The following SCFD2 variants were observed in gnomAD, a reference collection of about 807,000 sequenced individuals.
SCFD2 encodes sec1 family domain-containing protein 2.
Under a neutral mutation model 58.9 loss-of-function variants are expected in SCFD2, and 54 were observed. The observed-to-expected ratio is 0.92, with a 90% CI of 0.74 to 1.15. SCFD2 has a LOEUF of 1.15. Ranked by LOEUF, SCFD2 falls within the 50% of genes most tolerant of loss-of-function variation. The probability of loss-of-function intolerance (pLI) is 0.00; values close to 1 mark genes in which losing one functional copy is unlikely to be tolerated. For synonymous variants in SCFD2, 321 were observed against 335.9 expected (o/e 0.96, Z 0.49); for missense variants, 805 against 836.6 (o/e 0.96, Z 0.47).
At chr4:53,231,236 T>A (rs541513953) in intron 4 of SCFD2, among the ~76,000 whole-genome samples, 1 of 152,300 alleles carries the variant, frequency 6.6e-6, no homozygotes, top group East Asian at 1.9e-4. Context: ...ATGCTCACGA[T>A]CTGTGCTGAC....
intron 4 of SCFD2, among the ~76,000 whole-genome samples, chr4:53,236,897 G>A (rs1463900085): frequency 6.6e-6 from 1 of 151,094 alleles, no homozygotes; most frequent in African/African-American, 2.4e-5. Context: ...AGGGGGATTT[G>A]GCAGGGTCAT....
At position 53,207,493 on chromosome 4, in the gene SCFD2, T is replaced by TATATATACACACACA. The variant is rs1491426799; in HGVS notation, c.1312-61912_1312-61911insTGTGTGTGTATATAT. Among the ~76,000 whole-genome samples, 15 of 12,856 alleles carry TATATATACACACACA rather than the reference T, an allele frequency of 1.2e-3. 3 individuals are homozygous for TATATATACACACACA. The highest frequency in any genetic ancestry group is 4.7e-3 in the African/African-American group (15 of 3,164). 8.4% of individuals were successfully genotyped at this position (12,856 alleles called of 152,430 possible). A position where few individuals can be genotyped will look rare whatever the true frequency, so the allele number is the denominator to read the frequency against. ...GTTTGAAATATATTATATATATATT[T>TATATATACACACACA]CATATATATATATTATATATATTAT... On this transcript the variant is annotated intron_variant, in intron 4 of 8. Coordinates refer to ENST00000401642, the MANE Select transcript of SCFD2 (RefSeq NM_152540.4).
chr4:53,245,470 C>A (rs911151457), intron 4 of SCFD2, among the ~76,000 whole-genome samples: 2 of 152,096 alleles, frequency 1.3e-5, no homozygotes, highest in African/African-American at 4.8e-5. Context: ...AATCAATAAA[C>A]ATGATTCATC....
chr4:53,308,302 A>G (rs1425317130), intron 3 of SCFD2, among the ~76,000 whole-genome samples: 1 of 152,194 alleles, frequency 6.6e-6, no homozygotes, highest in Non-Finnish European at 1.5e-5. Context: ...ATATATAAAA[A>G]CAAAGATGTG....
At chr4:53,178,560 A>G (rs545573219) in intron 4 of SCFD2, among the ~76,000 whole-genome samples, 1 of 152,218 alleles carries the variant, frequency 6.6e-6, no homozygotes, top group South Asian at 2.1e-4. Context: ...AAAACAGAGC[A>G]GAAAAACTGG....
chr4:53,189,845 T>G (rs1043444302), intron 4 of SCFD2, among the ~76,000 whole-genome samples: 3 of 152,204 alleles, frequency 2.0e-5, no homozygotes, highest in Admixed American at 2.0e-4. Context: ...CACCAGAATA[T>G]TGGCTACATC....
intron 5 of SCFD2, among the ~76,000 whole-genome samples, chr4:53,101,785 C>T (rs1254298712): frequency 4.6e-5 from 7 of 152,014 alleles, no homozygotes; most frequent in South Asian, 2.1e-4. Flanking sequence ...ATTAGGATGT[C>T]TCAATGTCAT....
At chr4:52,998,721 G>A (rs972008333) in intron 5 of SCFD2, among the ~76,000 whole-genome samples, 3 of 152,056 alleles carry the variant, frequency 2.0e-5, no homozygotes, top group Admixed American at 6.6e-5. Flanking sequence ...AATGGACTGC[G>A]CATTTACTCC....
intron 5 of SCFD2, among the ~76,000 whole-genome samples, chr4:52,983,177 G>A (rs1012051074): frequency 2.0e-5 from 3 of 152,096 alleles, no homozygotes; most frequent in African/African-American, 7.2e-5. Context: ...AGAGGGGCAC[G>A]ATAACTCTTT....
At chr4:53,260,400 C>G (rs986396983) in intron 4 of SCFD2, among the ~76,000 whole-genome samples, 7 of 152,026 alleles carry the variant, frequency 4.6e-5, no homozygotes, top group Non-Finnish European at 1.0e-4. Context: ...TAAGGTATGT[C>G]CCTTCTATGC....
At chr4:53,180,075 A>C (rs753861496) in intron 4 of SCFD2, among the ~76,000 whole-genome samples, 3 of 152,212 alleles carry the variant, frequency 2.0e-5, no homozygotes, top group Non-Finnish European at 4.4e-5. Context: ...CCCCACTGTC[A>C]ACATTAGACA....
At chr4:53,157,380 T>C (rs559434389) in intron 4 of SCFD2, among the ~76,000 whole-genome samples, 2 of 152,268 alleles carry the variant, frequency 1.3e-5, no homozygotes, top group South Asian at 2.1e-4. Flanking sequence ...TCACTACTTG[T>C]AGAGTTTAGA....
chr4:53,217,619 A>T (rs2148990870), intron 4 of SCFD2, among the ~76,000 whole-genome samples: 1 of 152,332 alleles, frequency 6.6e-6, no homozygotes, highest in South Asian at 2.1e-4. Context: ...GTGTCTTTTA[A>T]TCGGAGCATT....
intron 3 of SCFD2, among the ~76,000 whole-genome samples, chr4:53,299,599 C>T (rs532971384): frequency 8.6e-5 from 13 of 151,764 alleles, no homozygotes; most frequent in African/African-American, 3.2e-4. Flanking sequence ...ACAGAGAATA[C>T]CACAAAGATA....
intron 4 of SCFD2, among the ~76,000 whole-genome samples, chr4:53,178,465 A>C (rs1360637897): frequency 6.6e-6 from 1 of 152,168 alleles, no homozygotes; most frequent in Admixed American, 6.5e-5. Flanking sequence ...AAACTAACAA[A>C]CAGAAAGGAC....
chr4:53,092,450 T>C (rs999721424), intron 5 of SCFD2, among the ~76,000 whole-genome samples: 2 of 152,098 alleles, frequency 1.3e-5, no homozygotes, highest in Admixed American at 1.3e-4. Flanking sequence ...TGCATTTAAC[T>C]CAGAGAAGTA....
At chr4:53,306,043 G>T (rs17082563) in intron 3 of SCFD2, among the ~76,000 whole-genome samples, 2,651 of 152,262 alleles carry the variant, frequency 0.017, 83 homozygotes, top group African/African-American at 0.061. Flanking sequence ...ATAGGTAAGA[G>T]TTCTCAGCCC....
At chr4:53,174,538 C>T (rs564915236) in intron 4 of SCFD2, among the ~76,000 whole-genome samples, 1 of 152,010 alleles carries the variant, frequency 6.6e-6, no homozygotes, top group East Asian at 1.9e-4. Flanking sequence ...AAATAATATC[C>T]CAAAATGTTA....
intron 5 of SCFD2, among the ~76,000 whole-genome samples, chr4:53,110,460 C>T (rs1297929040): frequency 6.6e-6 from 1 of 152,172 alleles, no homozygotes; most frequent in East Asian, 1.9e-4. Flanking sequence ...GGGCAACTTA[C>T]ACAATGGGAG....
Sources: allele counts gnomAD v4.1 joint callset (sites outside exome capture counted in the v4.1 genomes callset), GRCh38; gene constraint gnomAD v4.1.1; transcripts MANE v1.5; gene names NCBI Gene and HGNC (gene_info 2026-07-23, HGNC 2026-07-21).